Variants in RIF1 observed in about 807,000 individuals in gnomAD.
The protein encoded by RIF1 is replication timing regulatory factor 1.
A neutral mutation model predicts 247.1 loss-of-function variants in RIF1; 45 were observed. The ratio of observed to expected loss-of-function variants is 0.18; its 90% CI spans 0.14 to 0.23. The LOEUF is 0.23. RIF1 is among the 10% of genes least tolerant of loss of function. The probability of loss-of-function intolerance (pLI) is 1.00; values close to 1 mark genes in which losing one functional copy is unlikely to be tolerated. For missense variants in RIF1, 2,967 were observed against 2,862.5 expected (o/e 1.04, Z -0.83); for synonymous variants, 1,087 against 978.8 (o/e 1.11, Z -2.06).
In RIF1 at chr2:151,461,861, C is replaced by T. The variant is rs140314831; in HGVS notation, c.3228-381C>T. Among the ~76,000 whole-genome samples the T allele has an allele frequency of 5.9e-4, 89 of 151,746 alleles. 1 individual carries two copies. The East Asian group carries it at 0.013, about 23-fold the overall frequency. ...AACAATTTAGTAGAACTGTAATTTT[C>T]GTTTCTTTTTATGTTTTGTTTTATG... On this transcript the variant is annotated intron_variant, in intron 27 of 35. Transcript: ENST00000444746.
chr2:151,498,016 C>T (rs996880628), intron 10 of RIF1: 41 of 1,435,884 alleles, frequency 2.9e-5, no homozygotes, highest in East Asian at 5.0e-5. Flanking sequence ...TGTTAGAACT[C>T]GGTGTTGTTA....
Position 151,465,272 on chromosome 2 carries a change from G to A in RIF1, c.5752G>A (p.Glu1918Lys), listed in dbSNP as rs758445927. 11 of 1,611,504 alleles carry A rather than the reference G, an allele frequency of 6.8e-6. No homozygotes were observed. The highest frequency in any genetic ancestry group is 9.3e-6 in the Non-Finnish European group (11 of 1,179,466). Residue 1918 changes from glutamate to lysine, a missense_variant, in exon 30 of 36, where the codon GAA becomes AAA. By Grantham distance (56) the Glu-to-Lys change is moderately conservative. Transcript: ENST00000444746. ...CAATCTAGAGAAAGCAAAAACTATG[G>A]AATTGAATGTAGGAAATGAAGCTAG... ...ESNLEKAKTMELNVGNEASFH... is the reference protein window; with the variant it reads ...ESNLEKAKTMKLNVGNEASFH...
At chr2:151,498,205 GAT>G in intron 10 of RIF1, 1 of 1,549,080 alleles carries the variant, frequency 6.5e-7, no homozygotes, top group Non-Finnish European at 8.7e-7. Context: ...TAAATGTAAA[GAT>G]CAGTTTAATT....
rs934321919 is a variant in RIF1 at position 151,480,555 on chromosome 2, G to C, written c.*5484G>C. On this transcript the variant is annotated 3_prime_UTR_variant, in exon 36 of 36. Coordinates refer to ENST00000444746, the MANE Select transcript of RIF1 (RefSeq NM_018151.5). The stretch of plus-strand genomic sequence containing the variant: ...TAATTGATGTTCATAAATACCCTGA[G>C]AGATTATGTTAAAATACATTATTAA... The C allele has an allele frequency of 5.3e-5, 8 of 151,634 alleles. No homozygotes were observed. The highest frequency in any genetic ancestry group is 2.0e-4 in the African/African-American group (8 of 40,958). 9.4% of individuals were successfully genotyped at this position (151,634 alleles called of 1,614,324 possible).
At chr2:151,500,850 C>T (rs1311461149) in intron 11 of RIF1, among the ~76,000 whole-genome samples, 1 of 152,062 alleles carries the variant, frequency 6.6e-6, no homozygotes, top group Non-Finnish European at 1.5e-5. Flanking sequence ...CTGCCTGCCT[C>T]GACCTCCCAA....
At chr2:151,414,584 A>G (rs1037500173) in intron 3 of RIF1, among the ~76,000 whole-genome samples, 1 of 152,090 alleles carries the variant, frequency 6.6e-6, no homozygotes, top group Non-Finnish European at 1.5e-5. Context: ...AGGTGTAGAG[A>G]TATCCTTTAT....
In RIF1 at chr2:151,462,504, C is replaced by T. The variant is rs538328595; in HGVS notation, c.3363+38C>T. The stretch of plus-strand genomic sequence containing the variant: ...TTTCATATTTTGGGCTTTTTAGAAT[C>T]ACCCTTCCATTATACAGTCTGTTAA... On this transcript the variant is annotated intron_variant, in intron 29 of 35. Transcript: ENST00000444746. 1.0e-5 allele frequency: 14 copies of T among 1,337,488 alleles called. No individual in the cohort carries two copies. The South Asian group carries it at 2.0e-4, about 19-fold the overall frequency. The allele number at this position is 1,337,488 out of a possible 1,614,324, so 82.9% of individuals were successfully genotyped here.
At position 151,459,974 on chromosome 2, in the gene RIF1, A is replaced by C. The variant is rs766306601; in HGVS notation, c.2956-26A>C. 2.0e-6 allele frequency: 3 copies of C among 1,495,800 alleles called. No homozygotes were observed. In the South Asian group the frequency reaches 3.9e-5, roughly 19 times the overall value. 92.7% of individuals were successfully genotyped at this position (1,495,800 alleles called of 1,614,324 possible). On this transcript the variant is annotated intron_variant, in intron 25 of 35. Coordinates refer to ENST00000444746, the MANE Select transcript of RIF1 (RefSeq NM_018151.5). ...CAAAATATTACCGTTCTATTTAATG[A>C]AATTGTTTCATTTTTAATAAAACAG...
intron 10 of RIF1, chr2:151,496,242 C>G: frequency 6.6e-7 from 1 of 1,515,008 alleles, no homozygotes; most frequent in Admixed American, 1.9e-5. Context: ...TTTTTAAAAT[C>G]AGTAAGTAGT....
In RIF1 at chr2:151,497,608, C is replaced by G. The variant is rs1342315453; in HGVS notation, c.*514-1737C>G. On this transcript the variant is annotated intron_variant and NMD_transcript_variant, in intron 10 of 13. Transcript: ENST00000454583. ...AAATCATTAAATAAGTAGTTTTTTT[C>G]TTTTCTTGCCAAAGTACCGAGCTAA... The G allele has an allele frequency of 1.3e-6, 2 of 1,549,822 alleles. No individual in the cohort carries two copies. Among genetic ancestry groups the G allele is most frequent in the African/African-American group, 1.4e-5 (1 of 72,780 alleles).
downstream of RIF1, among the ~76,000 whole-genome samples, chr2:151,483,842 C>T (rs990226992): frequency 6.6e-6 from 1 of 152,018 alleles, no homozygotes; most frequent in African/African-American, 2.4e-5. Context: ...ACTGCACATG[C>T]GAGGGATCTA....
chr2:151,434,437 ATTT>A (rs754795986), intron 10 of RIF1, among the ~76,000 whole-genome samples: 6 of 107,018 alleles, frequency 5.6e-5, no homozygotes, highest in Non-Finnish European at 7.3e-5. Context: ...TGGTTTTTGA[ATTT>A]TTTTTTTTTT....
downstream of RIF1, among the ~76,000 whole-genome samples, chr2:151,512,155 C>T (rs1033428502): frequency 2.6e-5 from 4 of 151,334 alleles, no homozygotes; most frequent in Non-Finnish European, 5.9e-5. Context: ...CTCAGCCTCC[C>T]AAGTAGCTGG....
At chr2:151,410,999 A>T (rs1278364183) in intron 2 of RIF1, among the ~76,000 whole-genome samples, 1 of 152,198 alleles carries the variant, frequency 6.6e-6, no homozygotes, top group Non-Finnish European at 1.5e-5. Flanking sequence ...AGGAATAGGG[A>T]TCCCTGTTCT....
intron 6 of RIF1, among the ~76,000 whole-genome samples, chr2:151,417,717 G>C (rs1043220310): frequency 2.0e-5 from 3 of 152,170 alleles, no homozygotes; most frequent in African/African-American, 7.2e-5. Flanking sequence ...GGGAGGATGT[G>C]CGTAGGTTAT....
At chr2:151,498,042 A>ACATT in intron 10 of RIF1, 1 of 1,447,066 alleles carries the variant, frequency 6.9e-7, no homozygotes, top group Non-Finnish European at 9.1e-7. Flanking sequence ...ACAAATGGAA[A>ACATT]CATTCATTAT....
At position 151,477,364 on chromosome 2, in the gene RIF1, CTT is replaced by C. The variant is rs1306731549; in HGVS notation, c.*2294_*2295del. 1 of 151,150 alleles carries C rather than the reference CTT, an allele frequency of 6.6e-6. No homozygotes were observed. The highest frequency in any genetic ancestry group is 1.5e-5 in the Non-Finnish European group (1 of 67,910). 9.4% of individuals were successfully genotyped at this position (151,150 alleles called of 1,614,324 possible). A position where few individuals can be genotyped will look rare whatever the true frequency, so the allele number is the denominator to read the frequency against. ...TAACACTCAAATGTGTCTTAATTGT[CTT>C]ATGCATATTTAAGAAGAAAAAACTA... is the stretch of plus-strand genomic sequence containing the variant. On this transcript the variant is annotated 3_prime_UTR_variant, in exon 36 of 36. Coordinates refer to ENST00000444746, the MANE Select transcript of RIF1 (RefSeq NM_018151.5).
Position 151,491,983 on chromosome 2 carries a change from T to C in RIF1, c.*416-3246T>C, listed in dbSNP as rs983420742. Reference sequence around the variant, plus strand: ...GAGATAATAGGAGCTTTCTTGCACCTCTAGAAAAACAGATTGAAGTCCTTT... The same window carrying C: ...GAGATAATAGGAGCTTTCTTGCACCCCTAGAAAAACAGATTGAAGTCCTTT... On this transcript the variant is annotated intron_variant and NMD_transcript_variant, in intron 9 of 13. Transcript: ENST00000454583. 3 of 1,192,794 alleles carry C rather than the reference T, an allele frequency of 2.5e-6. No homozygotes were observed. In the African/African-American group the frequency reaches 4.6e-5, roughly 18 times the overall value. The allele number at this position is 1,192,794 out of a possible 1,614,324, so 73.9% of individuals were successfully genotyped here.
At chr2:151,525,997 G>A in the RIF1 span, 1 of 1,613,994 alleles carries the variant, frequency 6.2e-7, no homozygotes, top group South Asian at 1.1e-5. Flanking sequence ...CGTGAACAGT[G>A]TCCCGGGTCT....
Sources: allele counts gnomAD v4.1 joint callset (sites outside exome capture counted in the v4.1 genomes callset), GRCh38; gene constraint gnomAD v4.1.1; transcripts MANE v1.5; gene names NCBI Gene and HGNC (gene_info 2026-07-23, HGNC 2026-07-21).